ZNF804B: variants seen among roughly 807,000 people sequenced by gnomAD.
The protein encoded by ZNF804B is zinc finger protein 804B.
ZNF804B carries 80 observed loss-of-function variants against 101.4 expected under a neutral mutation model. The observed-to-expected ratio is 0.79, with a 90% CI of 0.66 to 0.95. The LOEUF (loss-of-function observed/expected upper bound fraction) is 0.95, where lower values mean the gene tolerates loss of function less well. Among genes scored for constraint, ZNF804B ranks in the 40% least tolerant of loss-of-function variants. The probability of loss-of-function intolerance (pLI) is 0.00; values close to 1 mark genes in which losing one functional copy is unlikely to be tolerated. For missense variants in ZNF804B, 1,673 were observed against 1,561.9 expected, an observed-to-expected ratio of 1.07 and a Z score of -1.20; for synonymous variants, 622 against 558.8, an observed-to-expected ratio of 1.11 and a Z score of -1.59.
chr7:89,332,042 A>G (rs1790992708), intron 3 of ZNF804B, among the ~76,000 whole-genome samples: 1 of 151,412 alleles, frequency 6.6e-6, no homozygotes, highest in South Asian at 2.1e-4. Flanking sequence ...TTTATGTAAC[A>G]AATCTAATGA....
rs1250012002 is a variant in ZNF804B, at chr7:89,304,431, G to C, written c.250-22913G>C. ...AATAGTCTTGAATGAAGCCTTCCTT[G>C]CTTGTTTAACTTATCTGGTGCAGTT... On this transcript the variant is annotated intron_variant, in intron 2 of 3. Coordinates refer to ENST00000333190, the MANE Select transcript of ZNF804B (RefSeq NM_181646.5). 2.6e-5 allele frequency among the ~76,000 whole-genome samples: 4 copies of C among 151,770 alleles called. 1 individual carries two copies. The South Asian group carries it at 8.3e-4, about 32-fold the overall frequency.
chr7:89,182,848 A>G (rs1025303062), intron 1 of ZNF804B, among the ~76,000 whole-genome samples: 2 of 152,114 alleles, frequency 1.3e-5, no homozygotes, highest in Non-Finnish European at 2.9e-5. Context: ...AGGGGAAGAT[A>G]TTTTTTCAAA....
At chr7:88,992,212 T>A (rs1186583633) in intron 1 of ZNF804B, among the ~76,000 whole-genome samples, 5 of 152,170 alleles carry the variant, frequency 3.3e-5, no homozygotes, top group Non-Finnish European at 5.9e-5. Context: ...AGGCAGATTA[T>A]GTTGCTTTAA....
At chr7:89,098,003 A>G (rs1295773954) in intron 1 of ZNF804B, among the ~76,000 whole-genome samples, 2 of 152,200 alleles carry the variant, frequency 1.3e-5, no homozygotes, top group Non-Finnish European at 2.9e-5. Context: ...ATAATAACAT[A>G]ATAATGTTTA....
chr7:89,212,288 C>G (rs1206995546), intron 1 of ZNF804B, among the ~76,000 whole-genome samples: 1 of 92,330 alleles, frequency 1.1e-5, no homozygotes, highest in Non-Finnish European at 2.6e-5. Flanking sequence ...CACACACACA[C>G]AAACAGACTG....
At chr7:88,800,052 C>T (rs923948914) in intron 1 of ZNF804B, among the ~76,000 whole-genome samples, 2 of 152,052 alleles carry the variant, frequency 1.3e-5, no homozygotes, top group Non-Finnish European at 2.9e-5. Context: ...CGAAACAAAA[C>T]ACTCTAAATC....
chr7:88,797,493 G>C (rs1043534202), intron 1 of ZNF804B, among the ~76,000 whole-genome samples: 4 of 152,166 alleles, frequency 2.6e-5, no homozygotes, highest in African/African-American at 9.6e-5. Context: ...ACCACATCCA[G>C]AGTGACTTCT....
At chr7:88,898,928 G>C (rs1792348267) in intron 1 of ZNF804B, among the ~76,000 whole-genome samples, 1 of 152,096 alleles carries the variant, frequency 6.6e-6, no homozygotes, top group Non-Finnish European at 1.5e-5. Flanking sequence ...CAGAGCGGTG[G>C]GTCCTGAATG....
chr7:89,086,107 C>A (rs954561309), intron 1 of ZNF804B, among the ~76,000 whole-genome samples: 1 of 151,906 alleles, frequency 6.6e-6, no homozygotes, highest in African/African-American at 2.4e-5. Context: ...AGCCTGTTAT[C>A]ATTTTCTATT....
At chr7:88,822,863 G>A (rs1791002591) in intron 1 of ZNF804B, among the ~76,000 whole-genome samples, 1 of 152,154 alleles carries the variant, frequency 6.6e-6, no homozygotes, top group African/African-American at 2.4e-5. Flanking sequence ...AAAGAATTGT[G>A]TAAGGGATGG....
At chr7:88,827,724 G>A (rs762197676) in intron 1 of ZNF804B, among the ~76,000 whole-genome samples, 13 of 151,968 alleles carry the variant, frequency 8.6e-5, no homozygotes, top group East Asian at 3.9e-4. Flanking sequence ...ACATAAAGGC[G>A]TTCTCTGTGC....
chr7:89,115,149 T>C (rs562264798), intron 1 of ZNF804B, among the ~76,000 whole-genome samples: 6 of 152,272 alleles, frequency 3.9e-5, no homozygotes, highest in Admixed American at 3.3e-4. Flanking sequence ...ACATTTATGA[T>C]TGGCAAAATG....
chr7:89,231,263 T>C (rs1056173916), intron 2 of ZNF804B, among the ~76,000 whole-genome samples: 6 of 152,058 alleles, frequency 3.9e-5, no homozygotes, highest in South Asian at 2.1e-4. Flanking sequence ...TATTCATAAA[T>C]GTATAAGTTT....
chr7:89,173,334 A>G (rs1351831387), intron 1 of ZNF804B, among the ~76,000 whole-genome samples: 1 of 151,994 alleles, frequency 6.6e-6, no homozygotes, highest in African/African-American at 2.4e-5. Flanking sequence ...ATATTTGAGT[A>G]ATTTAAATAA....
At chr7:89,137,891 A>C (rs1790660107) in intron 1 of ZNF804B, among the ~76,000 whole-genome samples, 2 of 152,004 alleles carry the variant, frequency 1.3e-5, no homozygotes, top group African/African-American at 4.8e-5. Context: ...TATGGGTCAG[A>C]CCATGAGTCC....
At chr7:89,280,703 A>G (rs1473501122) in intron 2 of ZNF804B, among the ~76,000 whole-genome samples, 1 of 152,244 alleles carries the variant, frequency 6.6e-6, no homozygotes, top group Non-Finnish European at 1.5e-5. Context: ...AGACTAAACC[A>G]GGAAGAAGTT....
intron 1 of ZNF804B, among the ~76,000 whole-genome samples, chr7:89,104,974 G>C (rs577589295): frequency 5.9e-5 from 9 of 152,248 alleles, no homozygotes; most frequent in African/African-American, 1.9e-4. Flanking sequence ...TGCCAAATTA[G>C]TTACTCACAA....
At chr7:88,952,662 T>C (rs1793243037) in intron 1 of ZNF804B, among the ~76,000 whole-genome samples, 1 of 151,802 alleles carries the variant, frequency 6.6e-6, no homozygotes, top group Admixed American at 6.6e-5. Flanking sequence ...AAAGAGTTCA[T>C]GCCAGAAAAC....
intron 2 of ZNF804B, among the ~76,000 whole-genome samples, chr7:89,310,441 C>T (rs1016273437): frequency 6.6e-6 from 1 of 152,122 alleles, no homozygotes; most frequent in East Asian, 1.9e-4. Flanking sequence ...TTCAATTTTA[C>T]ACCAGAGTCT....
Sources: allele counts gnomAD v4.1 joint callset (sites outside exome capture counted in the v4.1 genomes callset), GRCh38; gene constraint gnomAD v4.1.1; transcripts MANE v1.5; gene names NCBI Gene and HGNC (gene_info 2026-07-23, HGNC 2026-07-21).